The following AHSA1 variants were observed in gnomAD, a reference collection of about 807,000 sequenced individuals.
The protein encoded by AHSA1 is activator of 90 kDa heat shock protein ATPase homolog 1.
In AHSA1, 14 loss-of-function variants were observed where a neutral mutation model predicts 46.1. The ratio of observed to expected loss-of-function variants is 0.30; its 90% CI spans 0.20 to 0.47. AHSA1 has a LOEUF of 0.47. Among genes scored for constraint, AHSA1 ranks in the 20% least tolerant of loss-of-function variants. The pLI is 0.99. For missense variants in AHSA1, 333 were observed against 415.9 expected (o/e 0.80, Z 1.73); for synonymous variants, 147 against 145.8 (o/e 1.01, Z -0.06).
chr14:77,462,986 A>C, intron 4 of AHSA1: 1 of 430,530 alleles, frequency 2.3e-6, no homozygotes, highest in Non-Finnish European at 4.4e-6. Flanking sequence ...CCAAACTGAA[A>C]TGTACTGTGA....
At chr14:77,458,092 T>C, upstream of AHSA1, 1 of 1,119,972 alleles carries the variant, frequency 8.9e-7, no homozygotes, top group Non-Finnish European at 1.2e-6. Context: ...CGGCCGCTTC[T>C]AGTAGTTTCC....
upstream of AHSA1, chr14:77,458,010 G>C (rs956501579): frequency 7.3e-6 from 4 of 544,736 alleles, no homozygotes; most frequent in Non-Finnish European, 1.3e-5. Flanking sequence ...GGAAGTAACC[G>C]GTGGGAGTGG....
chr14:77,459,533 C>T (rs2079011538), intron 1 of AHSA1, 83 bp from the exon 2 acceptor site: 2 of 1,403,230 alleles, frequency 1.4e-6, no homozygotes, highest in Non-Finnish European at 1.0e-6. Flanking sequence ...TTTGTCAGGC[C>T]TCCTTTAACC....
chr14:77,465,791 C>G, intron 6 of AHSA1, 124 bp downstream of exon 6: 1 of 984,736 alleles, frequency 1.0e-6, no homozygotes, highest in African/African-American at 1.7e-5. Context: ...AGCCATGAGG[C>G]CTTCATCAAA....
intron 2 of AHSA1, among the ~76,000 whole-genome samples, chr14:77,460,715 C>A (rs1029975898): frequency 6.6e-6 from 1 of 151,708 alleles, no homozygotes; most frequent in Admixed American, 6.6e-5. Context: ...GTGCCCGCCA[C>A]CACGCCCGGC....
At chr14:77,465,725 TGGG>T (rs1311085226) in intron 6 of AHSA1, 58 bp downstream of exon 6, 1 of 1,580,524 alleles carries the variant, frequency 6.3e-7, no homozygotes, top group Non-Finnish European at 8.7e-7. Flanking sequence ...TGACTTGAGT[TGGG>T]GGCATATCCC....
At chr14:77,460,889 G>A (rs1403223890) in intron 2 of AHSA1, among the ~76,000 whole-genome samples, 4 of 152,176 alleles carry the variant, frequency 2.6e-5, no homozygotes, top group South Asian at 2.1e-4. Context: ...GCCGGGCGTG[G>A]TGGCTAACGC....
chr14:77,457,993 T>G, upstream of AHSA1: 1 of 526,190 alleles, frequency 1.9e-6, no homozygotes, highest in Non-Finnish European at 3.3e-6. Context: ...GTGCGGCGAG[T>G]TGGGACGGAA....
Position 77,458,413 on chromosome 14 carries a change from C to G in AHSA1, c.80+144C>G, listed in dbSNP as rs1594936338. The G allele has an allele frequency of 3.8e-6, 3 of 782,172 alleles. No homozygotes were observed. In the South Asian group the frequency reaches 5.5e-5, roughly 14 times the overall value. 48.5% of individuals were successfully genotyped at this position (782,172 alleles called of 1,614,324 possible). On this transcript the variant is annotated intron_variant, in intron 1 of 8. Transcript: ENST00000216479. ...GGTGGGTCCTTCCTGTGGCAGGGGT[C>G]CGTAGCCCCAGGCCTCTCCACTCCG...
chr14:77,465,666 A>T lies in AHSA1; in HGVS notation c.689A>T (p.Glu230Val). Residue 230 changes from glutamate to valine, a missense_variant and splice_region_variant, in exon 6 of 9, where the codon GAG becomes GTG. Transcript: ENST00000216479. Reference sequence around the variant, plus strand: ...CTCTATAGAGTGTTTACCACCCAAGAGGTAAGTAAGTCTTGTCCTTCAGGC... The same window carrying T: ...CTCTATAGAGTGTTTACCACCCAAGTGGTAAGTAAGTCTTGTCCTTCAGGC... ...EELYRVFTTQELVQAFTHAPA... is the reference protein window; with the variant it reads ...EELYRVFTTQVLVQAFTHAPA... 6.2e-7 allele frequency: 1 copy of T among 1,613,270 alleles called. No homozygotes were observed. The highest frequency in any genetic ancestry group is 1.1e-5 in the South Asian group (1 of 91,068).
intron 4 of AHSA1, among the ~76,000 whole-genome samples, chr14:77,463,585 CAAAAA>C (rs565353457): frequency 1.3e-5 from 1 of 75,084 alleles, no homozygotes; most frequent in Non-Finnish European, 2.8e-5. Flanking sequence ...GACTCCATCT[CAAAAA>C]AAAAAAAAAC....
At chr14:77,463,995 C>T (rs1258303215) in intron 4 of AHSA1, among the ~76,000 whole-genome samples, 1 of 152,256 alleles carries the variant, frequency 6.6e-6, no homozygotes, top group African/African-American at 2.4e-5. Context: ...CATCAAAGTG[C>T]CACGGCGTTC....
Position 77,462,628 on chromosome 14 carries a change from C to G in AHSA1, c.355-14C>G, listed in dbSNP as rs1005012820. The G allele has an allele frequency of 6.2e-7, 1 of 1,612,742 alleles. No homozygotes were observed. Among genetic ancestry groups the G allele is most frequent in the South Asian group, 1.1e-5 (1 of 91,046 alleles). On this transcript the variant is annotated splice_polypyrimidine_tract_variant and intron_variant, in intron 3 of 8. Transcript: ENST00000216479. The stretch of plus-strand genomic sequence containing the variant: ...CTCAAGTTATTTACCACCTACTTCT[C>G]ATCTTTCACCCAGATTAGTGTGAGC...
rs756053898 is a variant in AHSA1 at position 77,469,195 on chromosome 14, G to A, written c.963G>A (p.Arg321=). Residue 321 remains arginine (R), a synonymous_variant, in exon 9 of 9, where the codon CGG becomes CGA. Transcript: ENST00000216479. ...AGCGGACGCGACAGGGCTGGCAGCGGTACTACTTTGAGGGCATTAAACAGA... is the reference window on the plus strand; with the variant it reads ...AGCGGACGCGACAGGGCTGGCAGCGATACTACTTTGAGGGCATTAAACAGA... ...EEERTRQGWQ[R]YYFEGIKQTF... 5 of 1,614,086 alleles carry A rather than the reference G, an allele frequency of 3.1e-6. No homozygotes were observed. The highest frequency in any genetic ancestry group is 1.7e-5 in the Admixed American group (1 of 60,008).
At chr14:77,466,049 C>G (rs1212387462) in intron 6 of AHSA1, among the ~76,000 whole-genome samples, 1 of 152,108 alleles carries the variant, frequency 6.6e-6, no homozygotes, top group Non-Finnish European at 1.5e-5. Context: ...TAGAGATGGG[C>G]TGGTCTGAAA....
chr14:77,459,936 A>G (rs1486570313), intron 2 of AHSA1, 130 bp downstream of exon 2: 6 of 999,676 alleles, frequency 6.0e-6, no homozygotes, highest in South Asian at 4.2e-5. Flanking sequence ...TTGGAGTCCT[A>G]TGTAAAGCAG....
intron 3 of AHSA1, 177 bp downstream of exon 3, chr14:77,462,419 T>C: frequency 1.4e-6 from 1 of 715,982 alleles, no homozygotes; most frequent in Non-Finnish European, 2.3e-6. Flanking sequence ...CAATTTGCAC[T>C]TCTTTAATTT....
In AHSA1 at chr14:77,459,685, A is replaced by G; in HGVS notation, c.150A>G (p.Gln50=). 2 of 1,614,246 alleles carry G rather than the reference A, an allele frequency of 1.2e-6. No homozygotes were observed. Among genetic ancestry groups the G allele is most frequent in the Admixed American group, 1.7e-5 (1 of 60,030 alleles). Residue 50 remains glutamine, a synonymous_variant, in exon 2 of 9, where the codon CAA becomes CAG. Coordinates refer to ENST00000216479, the MANE Select transcript of AHSA1 (RefSeq NM_012111.3). The stretch of plus-strand genomic sequence containing the variant: ...CACTGTTCCTGGCAGTGCAGGTTCA[A>G]AATGAAGAAGGCAAGTGTGAGGTGA... The part of the protein sequence containing the change: ...LKTLFLAVQV[Q]NEEGKCEVTE...
rs965825924 is a variant in AHSA1, at chr14:77,459,815, A to G, written c.271+9A>G. On this transcript the variant is annotated intron_variant, in intron 2 of 8. Transcript: ENST00000216479. Reference sequence around the variant, plus strand: ...CAAACTAAACTGGACAGGTAAGTCTAAGCTGGGCTGTCAGAGAGATTAACT... The same window carrying G: ...CAAACTAAACTGGACAGGTAAGTCTGAGCTGGGCTGTCAGAGAGATTAACT... The G allele has an allele frequency of 6.2e-7, 1 of 1,613,870 alleles. No homozygotes were observed. Among genetic ancestry groups the G allele is most frequent in the Non-Finnish European group, 8.5e-7 (1 of 1,179,834 alleles).
Sources: allele counts gnomAD v4.1 joint callset (sites outside exome capture counted in the v4.1 genomes callset), GRCh38; gene constraint gnomAD v4.1.1; transcripts MANE v1.5; gene names NCBI Gene and HGNC (gene_info 2026-07-23, HGNC 2026-07-21).